The following TNFSF4 variants were observed in gnomAD, a reference collection of about 807,000 sequenced individuals.
The protein encoded by TNFSF4 is TNF superfamily member 4.
Under a neutral mutation model 7.3 loss-of-function variants are expected in TNFSF4, and 4 were observed. That is an observed-to-expected ratio of 0.55 (90% CI 0.27 to 1.25). The LOEUF (loss-of-function observed/expected upper bound fraction) is 1.25. TNFSF4 is among the 50% of genes most tolerant of loss of function. The probability of loss-of-function intolerance (pLI) is 0.12; values close to 1 mark genes in which losing one functional copy is unlikely to be tolerated. For missense variants in TNFSF4, 181 were observed against 208.8 expected (o/e 0.87, Z 0.82); for synonymous variants, 76 against 83.7 (o/e 0.91, Z 0.50).
In TNFSF4 at chr1:173,186,356, C is replaced by G; in HGVS notation, c.*160G>C. On this transcript the variant is annotated 3_prime_UTR_variant, in exon 3 of 3. Coordinates refer to ENST00000281834, the MANE Select transcript of TNFSF4 (RefSeq NM_003326.5). ...GGTATATAAAATAAGTTTTAAATAT[C>G]CCTGAGGGGTGGGGGCGGGAGGGCC... The G allele has an allele frequency of 1.7e-6, 1 of 591,484 alleles. No homozygotes were observed. Among genetic ancestry groups the G allele is most frequent in the Non-Finnish European group, 3.0e-6 (1 of 336,328 alleles). The allele number at this position is 591,484 out of a possible 1,614,324, so 36.6% of individuals were successfully genotyped here.
chr1:173,271,630 A>T, the TNFSF4 span, among the ~76,000 whole-genome samples: 1 of 152,272 alleles, frequency 6.6e-6, no homozygotes, highest in South Asian at 2.1e-4. Context: ...GAGAAATGCA[A>T]ATCAAAACCA....
At chr1:173,205,303 T>A (rs1229464641) in intron 1 of TNFSF4, 1 of 1,612,090 alleles carries the variant, frequency 6.2e-7, no homozygotes, top group African/African-American at 1.3e-5. Context: ...CCCCTAGAGA[T>A]CACTCACCAT....
At chr1:173,393,871 C>T in the TNFSF4 span, among the ~76,000 whole-genome samples, 3 of 152,196 alleles carry the variant, frequency 2.0e-5, no homozygotes, top group Non-Finnish European at 4.4e-5. Flanking sequence ...ATGCAATAAG[C>T]ATCCCATACT....
the TNFSF4 span, among the ~76,000 whole-genome samples, chr1:173,414,422 C>T: frequency 1.3e-5 from 2 of 152,250 alleles, no homozygotes; most frequent in Admixed American, 1.3e-4. Context: ...TTTCCAAATA[C>T]AGTCATACTG....
chr1:173,185,754 C>T lies in TNFSF4; in HGVS notation c.*762G>A, dbSNP rs1468530888. On this transcript the variant is annotated 3_prime_UTR_variant, in exon 3 of 3. Coordinates refer to ENST00000281834, the MANE Select transcript of TNFSF4 (RefSeq NM_003326.5). The stretch of plus-strand genomic sequence containing the variant: ...ACCCTTCACAATAAGTTATCTCACT[C>T]TCCCTGTATACAAGAAAATCTCTCT... 6.6e-6 allele frequency: 1 copy of T among 152,200 alleles called. No individual in the cohort carries two copies. Among genetic ancestry groups the T allele is most frequent in the African/African-American group, 2.4e-5 (1 of 41,436 alleles). The allele number at this position is 152,200 out of a possible 1,614,324, so 9.4% of individuals were successfully genotyped here.
chr1:173,258,078 C>T, the TNFSF4 span, among the ~76,000 whole-genome samples: 2 of 152,104 alleles, frequency 1.3e-5, no homozygotes, highest in African/African-American at 4.8e-5. Flanking sequence ...AAGAGGTTAG[C>T]AGTTATCTCC....
In TNFSF4 at chr1:173,183,984, A is replaced by G. The variant is rs1649118219; in HGVS notation, c.*2532T>C. On this transcript the variant is annotated 3_prime_UTR_variant, in exon 3 of 3. Coordinates refer to ENST00000281834, the MANE Select transcript of TNFSF4 (RefSeq NM_003326.5). The stretch of plus-strand genomic sequence containing the variant: ...GATAACTGCTCTTGAAGGACTCACA[A>G]AGATGGCTGAGGAAGATGTAAGCTT... 1 of 152,212 alleles carries G rather than the reference A, an allele frequency of 6.6e-6. No homozygotes were observed. Among genetic ancestry groups the G allele is most frequent in the African/African-American group, 2.4e-5 (1 of 41,454 alleles). The allele number at this position is 152,212 out of a possible 1,614,324, so 9.4% of individuals were successfully genotyped here.
At chr1:173,204,924 AAC>A (rs143657529) in intron 1 of TNFSF4, among the ~76,000 whole-genome samples, 22 of 131,660 alleles carry the variant, frequency 1.7e-4, no homozygotes, top group South Asian at 5.3e-4. Flanking sequence ...CACACACACA[AAC>A]ACACACACAC....
the TNFSF4 span, among the ~76,000 whole-genome samples, chr1:173,405,326 T>C: frequency 1.3e-5 from 2 of 152,208 alleles, no homozygotes; most frequent in African/African-American, 4.8e-5. Context: ...GCACTGCAAC[T>C]CAAATGTAAT....
chr1:173,436,700 C>CA, the TNFSF4 span, among the ~76,000 whole-genome samples: 1 of 152,074 alleles, frequency 6.6e-6, no homozygotes, highest in Non-Finnish European at 1.5e-5. Context: ...GAGCCACTGC[C>CA]AAGTGAGGGC....
chr1:173,324,030 C>G, the TNFSF4 span, among the ~76,000 whole-genome samples: 1 of 152,088 alleles, frequency 6.6e-6, no homozygotes, highest in South Asian at 2.1e-4. Context: ...AGATACTCCT[C>G]GAGAAGAGCA....
At chr1:173,381,341 A>C in the TNFSF4 span, among the ~76,000 whole-genome samples, 1 of 151,590 alleles carries the variant, frequency 6.6e-6, no homozygotes, top group Non-Finnish European at 1.5e-5. Flanking sequence ...ATGCCACCCG[A>C]CATTTACAGG....
chr1:173,196,909 C>T (rs1649724339), intron 1 of TNFSF4, among the ~76,000 whole-genome samples: 1 of 152,182 alleles, frequency 6.6e-6, no homozygotes, highest in Non-Finnish European at 1.5e-5. Context: ...CTCAGATCAG[C>T]TTAGTCTCTA....
the TNFSF4 span, among the ~76,000 whole-genome samples, chr1:173,217,818 C>T: frequency 0.028 from 4,259 of 152,130 alleles, 66 homozygotes; most frequent in Admixed American, 0.055. Context: ...GGCATAATCA[C>T]GACTCACTGC....
At chr1:173,364,851 T>C in the TNFSF4 span, among the ~76,000 whole-genome samples, 1 of 152,046 alleles carries the variant, frequency 6.6e-6, no homozygotes, top group South Asian at 2.1e-4. Flanking sequence ...CCATTTTAAT[T>C]ACACAATTTT....
intron 1 of TNFSF4, 78 bp from the exon 2 acceptor site, chr1:173,188,647 G>A (rs1649340230): frequency 8.0e-7 from 1 of 1,250,508 alleles, no homozygotes; most frequent in Non-Finnish European, 1.2e-6. Context: ...TAATGGAACA[G>A]TGAAGCAGAA....
the TNFSF4 span, among the ~76,000 whole-genome samples, chr1:173,282,119 C>T: frequency 3.3e-5 from 5 of 152,024 alleles, no homozygotes; most frequent in Admixed American, 2.0e-4. Flanking sequence ...TAAGTTCTAG[C>T]GTTTGATTGC....
chr1:173,360,675 GAGA>G, the TNFSF4 span, among the ~76,000 whole-genome samples: 42 of 152,196 alleles, frequency 2.8e-4, no homozygotes, highest in Non-Finnish European at 5.6e-4. Flanking sequence ...CAAAGAAATA[GAGA>G]AGAACTTCAA....
intron 1 of TNFSF4, among the ~76,000 whole-genome samples, chr1:173,198,056 A>T (rs1033791078): frequency 2.6e-5 from 4 of 152,206 alleles, no homozygotes; most frequent in Non-Finnish European, 5.9e-5. Flanking sequence ...TGGCCCATTC[A>T]TCCTTGAATA....
Sources: allele counts gnomAD v4.1 joint callset (sites outside exome capture counted in the v4.1 genomes callset), GRCh38; gene constraint gnomAD v4.1.1; transcripts MANE v1.5; gene names NCBI Gene and HGNC (gene_info 2026-07-23, HGNC 2026-07-21).